FTO: variants seen among roughly 807,000 people sequenced by gnomAD.
The protein encoded by FTO is FTO alpha-ketoglutarate dependent dioxygenase, also known as alpha-ketoglutarate-dependent dioxygenase FTO.
Under a neutral mutation model 63.9 loss-of-function variants are expected in FTO, and 47 were observed. That is an observed-to-expected ratio of 0.74 (90% CI 0.58 to 0.94). The LOEUF is 0.94. Ranked by LOEUF, FTO falls within the 40% of genes least tolerant of loss-of-function variation. FTO has a pLI of 0.00. For synonymous variants in FTO, 207 were observed against 224.4 expected (o/e 0.92, Z 0.69); for missense variants, 562 against 618.1 (o/e 0.91, Z 0.96).
chr16:53,893,681 A>T (rs1313283105), intron 7 of FTO, among the ~76,000 whole-genome samples: 2 of 152,138 alleles, frequency 1.3e-5, no homozygotes, highest in East Asian at 3.9e-4. Flanking sequence ...AAAAAGGTCA[A>T]TTTGGTATAA....
intron 4 of FTO, among the ~76,000 whole-genome samples, chr16:53,849,795 C>A (rs1466516469): frequency 6.6e-6 from 1 of 152,204 alleles, no homozygotes; most frequent in Non-Finnish European, 1.5e-5. Flanking sequence ...GCAGGAAGAA[C>A]AGAGGTCTCC....
At chr16:53,908,825 A>G (rs1390846817) in intron 7 of FTO, among the ~76,000 whole-genome samples, 1 of 152,164 alleles carries the variant, frequency 6.6e-6, no homozygotes, top group Admixed American at 6.5e-5. Context: ...ACTGAGTTGG[A>G]ATCTCCTGGT....
chr16:54,074,907 AGAGAGAGAGAGT>A (rs1331710431), intron 8 of FTO, among the ~76,000 whole-genome samples: 1,315 of 118,850 alleles, frequency 0.011, 19 homozygotes, highest in African/African-American at 0.039. Context: ...AGAGAGAGAG[AGAGAGAGAGAGT>A]GTGTGTGTGT....
chr16:53,720,887 T>TCAAGCAGTCCTCCCACCC (rs1414633246), intron 1 of FTO, among the ~76,000 whole-genome samples: 11 of 151,856 alleles, frequency 7.2e-5, no homozygotes, highest in Non-Finnish European at 1.6e-4. Context: ...CCTCCTAGGC[T>TCAAGCAGTCCTCCCACCC]CAAGCAGTCC....
At chr16:53,883,260 T>C (rs2080889685) in intron 6 of FTO, among the ~76,000 whole-genome samples, 2 of 152,202 alleles carry the variant, frequency 1.3e-5, no homozygotes, top group African/African-American at 4.8e-5. Flanking sequence ...TGATGTTTTT[T>C]ACCATCAATG....
chr16:53,799,097 T>G (rs1336638542), intron 1 of FTO, among the ~76,000 whole-genome samples: 1 of 152,160 alleles, frequency 6.6e-6, no homozygotes, highest in African/African-American at 2.4e-5. Flanking sequence ...TATATTGTCC[T>G]TTTTATGTGT....
intron 8 of FTO, among the ~76,000 whole-genome samples, chr16:54,005,322 C>A (rs61504344): frequency 0.28 from 40,913 of 145,496 alleles, 6,706 homozygotes; most frequent in East Asian, 0.55. Flanking sequence ...TGAAGGCCAG[C>A]AGATTTTATT....
chr16:53,777,418 C>A (rs2077486826), intron 1 of FTO, among the ~76,000 whole-genome samples: 1 of 152,148 alleles, frequency 6.6e-6, no homozygotes, highest in Admixed American at 6.5e-5. Context: ...TTTCTTTAGA[C>A]AAGTGATAAT....
intron 6 of FTO, among the ~76,000 whole-genome samples, chr16:53,883,871 C>T (rs2080927831): frequency 6.6e-6 from 1 of 152,142 alleles, no homozygotes; most frequent in African/African-American, 2.4e-5. Context: ...TGTCAGGGCA[C>T]ATTGTCAGAT....
intron 7 of FTO, among the ~76,000 whole-genome samples, chr16:53,899,919 C>A (rs1045823991): frequency 8.5e-5 from 13 of 152,220 alleles, no homozygotes; most frequent in African/African-American, 3.1e-4. Flanking sequence ...AAGCTGACTT[C>A]ATTCCTTAGG....
intron 8 of FTO, among the ~76,000 whole-genome samples, chr16:53,989,855 C>A (rs1378416137): frequency 6.6e-6 from 1 of 151,824 alleles, no homozygotes; most frequent in Non-Finnish European, 1.5e-5. Flanking sequence ...TCCTCCTCCT[C>A]TTCAGCCTAC....
intron 8 of FTO, among the ~76,000 whole-genome samples, chr16:53,938,572 C>T (rs1183990914): frequency 6.6e-6 from 1 of 152,144 alleles, no homozygotes; most frequent in Non-Finnish European, 1.5e-5. Context: ...ATTTTGTATA[C>T]CTACTGCATG....
chr16:53,824,491 T>C (rs963830915), intron 2 of FTO, among the ~76,000 whole-genome samples: 1 of 152,214 alleles, frequency 6.6e-6, no homozygotes, highest in Non-Finnish European at 1.5e-5. Context: ...TCTGTCTTAG[T>C]ACTTAACACA....
intron 1 of FTO, among the ~76,000 whole-genome samples, chr16:53,755,636 A>G (rs1666792697): frequency 6.6e-6 from 1 of 152,294 alleles, no homozygotes; most frequent in South Asian, 2.1e-4. Flanking sequence ...TCTTTGAGTC[A>G]TGGACTTTTC....
In FTO at chr16:53,888,690, G is replaced by A. The variant is rs181232122; in HGVS notation, c.1120-142G>A. 1.5e-3 allele frequency: 1,304 copies of A among 878,288 alleles called. 9 individuals carry two copies. Among genetic ancestry groups the A allele is most frequent in the Middle Eastern group, 9.0e-3 (28 of 3,106 alleles). 54.4% of individuals were successfully genotyped at this position (878,288 alleles called of 1,614,324 possible). A position where few individuals can be genotyped will look rare whatever the true frequency, so the allele number is the denominator to read the frequency against. On this transcript the variant is annotated intron_variant, in intron 6 of 8. Transcript: ENST00000471389. ...CTCTGGAGATGCCAGCTTACACTGG[G>A]AACTGGTTAGGCTGACCTTTCTCAC...
chr16:54,020,334 A>C (rs1235565905), intron 8 of FTO, among the ~76,000 whole-genome samples: 1 of 152,164 alleles, frequency 6.6e-6, no homozygotes, highest in African/African-American at 2.4e-5. Flanking sequence ...GGTAGATGAG[A>C]ACACAAAATA....
chr16:53,773,838 A>G (rs577876115), intron 1 of FTO, among the ~76,000 whole-genome samples: 5 of 152,202 alleles, frequency 3.3e-5, no homozygotes, highest in Non-Finnish European at 7.3e-5. Flanking sequence ...ATAGAATGAC[A>G]GAAAAATAAA....
At chr16:53,751,392 A>T (rs1008233414) in intron 1 of FTO, among the ~76,000 whole-genome samples, 4 of 152,162 alleles carry the variant, frequency 2.6e-5, no homozygotes, top group Non-Finnish European at 5.9e-5. Flanking sequence ...CGGGAGGCGA[A>T]GCTTGCAGTG....
chr16:53,914,138 G>A (rs991736614), intron 7 of FTO, among the ~76,000 whole-genome samples: 2 of 152,146 alleles, frequency 1.3e-5, no homozygotes, highest in Non-Finnish European at 1.5e-5. Context: ...TTGCTGACTC[G>A]AAGAAGATCA....
Sources: allele counts gnomAD v4.1 joint callset (sites outside exome capture counted in the v4.1 genomes callset), GRCh38; gene constraint gnomAD v4.1.1; transcripts MANE v1.5; gene names NCBI Gene and HGNC (gene_info 2026-07-23, HGNC 2026-07-21).